The following MSL3 variants were observed in gnomAD, a reference collection of about 807,000 sequenced individuals.
MSL3 encodes the protein MSL3-like 1.
MSL3 carries 5 observed loss-of-function variants against 37.2 expected under a neutral mutation model. That is an observed-to-expected ratio of 0.13 (90% CI 0.07 to 0.28). The LOEUF is 0.28. Ranked by LOEUF, MSL3 falls within the 10% of genes least tolerant of loss-of-function variation. MSL3 has a pLI of 1.00. For missense variants in MSL3, 315 were observed against 408.5 expected, an observed-to-expected ratio of 0.77 and a Z score of 1.97; for synonymous variants, 149 against 147.6, an observed-to-expected ratio of 1.01 and a Z score of -0.07.
intron 3 of MSL3, 70 bp downstream of exon 3, chrX:11,760,568 A>G: frequency 1.4e-6 from 1 of 737,689 alleles, no homozygotes; most frequent in Non-Finnish European, 2.0e-6. Flanking sequence ...GATTTTTATG[A>G]TATAAAAGTA....
chrX:11,765,755 G>C (rs1374371281), intron 9 of MSL3, 26 bp downstream of exon 9: 6 of 1,204,171 alleles, frequency 5.0e-6, no homozygotes, highest in Non-Finnish European at 6.7e-6. Context: ...GGTGCCCCAG[G>C]CCGGGGAGAG....
intron 9 of MSL3, chrX:11,766,229 T>C: frequency 6.5e-6 from 5 of 767,770 alleles, no homozygotes; most frequent in African/African-American, 2.2e-5. Context: ...TCAGATCTTC[T>C]CACCTTGATT....
chrX:11,771,797 T>G (rs776500388), intron 10 of MSL3, among the ~76,000 whole-genome samples: 80 of 111,927 alleles, frequency 7.1e-4, no homozygotes, highest in Admixed American at 1.5e-3. Context: ...GCCAGGCTGG[T>G]CTCAAGCTCC....
chrX:11,770,739 G>A (rs2053225491), intron 10 of MSL3, among the ~76,000 whole-genome samples: 2 of 111,964 alleles, frequency 1.8e-5, no homozygotes, highest in Admixed American at 9.4e-5. Flanking sequence ...ATTTTTCCCC[G>A]GAAAATGTGT....
intron 12 of MSL3, among the ~76,000 whole-genome samples, chrX:11,774,679 C>CTT (rs1334167036): frequency 9.3e-6 from 1 of 107,213 alleles, no homozygotes; most frequent in Non-Finnish European, 1.9e-5. Flanking sequence ...CATTCATGGG[C>CTT]TTTTTTTTTT....
At chrX:11,759,429 C>G (rs2053107613) in intron 1 of MSL3, 2 of 182,704 alleles carry the variant, frequency 1.1e-5, no homozygotes, top group Non-Finnish European at 9.6e-6. Context: ...GAGTCTCCAG[C>G]TAGCCATCCT....
chrX:11,763,439 T>C (rs957342636), intron 7 of MSL3, among the ~76,000 whole-genome samples: 7 of 112,530 alleles, frequency 6.2e-5, no homozygotes, highest in Non-Finnish European at 1.3e-4. Context: ...AAAGCAAGGG[T>C]TAGGGATTCA....
Position 11,772,685 on chromosome X carries a change from G to A in MSL3, c.1446G>A (p.Lys482=). ...FSEKNLKALL[K]HFDLFLRFLA... is the part of the protein sequence containing the mutation. Reference sequence around the variant, plus strand: ...AGAAGAATCTGAAGGCTTTATTGAAGCACTTTGATCTCTTTTTGAGGTATT... The same window carrying A: ...AGAAGAATCTGAAGGCTTTATTGAAACACTTTGATCTCTTTTTGAGGTATT... The change falls in exon 12 of 13, where the codon AAG becomes AAA. Residue 482 remains lysine (K), a synonymous_variant. Transcript: ENST00000312196. 8.5e-7 allele frequency: 1 copy of A among 1,178,158 alleles called. No individual in the cohort carries two copies. Among genetic ancestry groups the A allele is most frequent in the Non-Finnish European group, 1.2e-6 (1 of 869,290 alleles).
intron 7 of MSL3, among the ~76,000 whole-genome samples, chrX:11,763,245 A>G (rs934114327): frequency 8.8e-5 from 10 of 113,236 alleles, no homozygotes; most frequent in African/African-American, 3.2e-4. Context: ...GCACTGAGAC[A>G]GTTTTTTCAG....
chrX:11,772,146 C>A lies in MSL3; in HGVS notation c.1282-10C>A. The A allele has an allele frequency of 8.4e-7, 1 of 1,185,446 alleles. No individual in the cohort carries two copies. The highest frequency in any genetic ancestry group is 1.8e-5 in the South Asian group (1 of 55,354). On this transcript the variant is annotated splice_polypyrimidine_tract_variant and intron_variant, in intron 10 of 12. Transcript: ENST00000312196. ...GAATAACAAAAGCATTCAATTCGTG[C>A]TTTTTCCAGGTCCTCTCCTGGAAGC...
chrX:11,758,766 C>T (rs2053098332), intron 1 of MSL3: 1 of 1,164,586 alleles, frequency 8.6e-7, no homozygotes, highest in African/African-American at 1.8e-5. Context: ...CCTGGCCGTC[C>T]GATCCAGGTT....
intron 10 of MSL3, among the ~76,000 whole-genome samples, chrX:11,769,850 C>G (rs182642280): frequency 0.054 from 6,031 of 112,298 alleles, 218 homozygotes; most frequent in African/African-American, 0.13. Flanking sequence ...AAGTGATCCT[C>G]CCGCCTCTGC....
intron 12 of MSL3, 134 bp downstream of exon 12, chrX:11,772,839 C>A (rs2053242764): frequency 8.0e-6 from 3 of 375,166 alleles, no homozygotes; most frequent in Non-Finnish European, 1.4e-5. Context: ...ATGGTTGGTT[C>A]TAACCGTAAT....
At chrX:11,764,173 G>T in intron 8 of MSL3, 1 of 284,492 alleles carries the variant, frequency 3.5e-6, no homozygotes, top group South Asian at 1.1e-4. Flanking sequence ...GAACTTAGGT[G>T]GGATGATGAG....
At chrX:11,761,701 G>T in intron 5 of MSL3, 119 bp downstream of exon 5, 1 of 412,525 alleles carries the variant, frequency 2.4e-6, no homozygotes. Flanking sequence ...AACCAATAAT[G>T]TAAATTTTTA....
At chrX:11,772,795 G>A (rs1424778196) in intron 12 of MSL3, 90 bp downstream of exon 12, 6 of 490,747 alleles carry the variant, frequency 1.2e-5, no homozygotes, top group Non-Finnish European at 2.0e-5. Context: ...AGTCAGCTCT[G>A]TGATATTTTA....
intron 1 of MSL3, 156 bp downstream of exon 1, chrX:11,758,521 A>G (rs1316054097): frequency 1.9e-6 from 2 of 1,045,631 alleles, no homozygotes; most frequent in Non-Finnish European, 2.5e-6. Context: ...ACAGGGCGCT[A>G]CGCCCGGGAG....
intron 11 of MSL3, 68 bp downstream of exon 11, chrX:11,772,323 C>T: frequency 1.1e-6 from 1 of 919,786 alleles, no homozygotes; most frequent in Non-Finnish European, 1.5e-6. Flanking sequence ...TTTCTGTACA[C>T]CTTGTGGTTT....
chrX:11,764,463 C>T (rs148305168), intron 8 of MSL3, among the ~76,000 whole-genome samples: 1 of 111,087 alleles, frequency 9.0e-6, no homozygotes, highest in Non-Finnish European at 1.9e-5. Flanking sequence ...TTTCCTCCCT[C>T]AGTTACCGAG....
Sources: allele counts gnomAD v4.1 joint callset (sites outside exome capture counted in the v4.1 genomes callset), GRCh38; gene constraint gnomAD v4.1.1; transcripts MANE v1.5; gene names NCBI Gene and HGNC (gene_info 2026-07-23, HGNC 2026-07-21).